AOX1: variants seen among roughly 807,000 people sequenced by gnomAD.
AOX1 encodes the protein aldehyde oxidase.
In AOX1, 153 loss-of-function variants were observed where a neutral mutation model predicts 169.5. That is an observed-to-expected ratio of 0.90 (90% CI 0.79 to 1.03). The LOEUF (loss-of-function observed/expected upper bound fraction) is 1.03. AOX1 is among the 50% of genes least tolerant of loss of function. The pLI is 0.00. For synonymous variants in AOX1, 562 were observed against 581.9 expected (o/e 0.97, Z 0.49); for missense variants, 1,656 against 1,663.9 (o/e 1.00, Z 0.08).
intron 23 of AOX1, 140 bp from the exon 24 acceptor site, chr2:200,640,958 C>G (rs556030850): frequency 1.1e-4 from 60 of 561,852 alleles, no homozygotes; most frequent in African/African-American, 1.0e-3. Flanking sequence ...GATCACAGAG[C>G]TAGTTATATA....
In AOX1 at chr2:200,617,953, C is replaced by T. The variant is rs1024665707; in HGVS notation, c.1704+1890C>T. Among the ~76,000 whole-genome samples, 3 of 152,246 alleles carry T rather than the reference C, an allele frequency of 2.0e-5. No individual in the cohort carries two copies. The South Asian group carries it at 6.2e-4, about 32-fold the overall frequency. ...CCTTTTCATCACTATCTCAGCTCCT[C>T]GAAGCAGAGGGGGAAGAGGAGAACT... On this transcript the variant is annotated intron_variant, in intron 16 of 34. Transcript: ENST00000374700.
At chr2:200,654,386 T>G (rs1389859431) in intron 26 of AOX1, among the ~76,000 whole-genome samples, 4 of 152,200 alleles carry the variant, frequency 2.6e-5, no homozygotes, top group Non-Finnish European at 5.9e-5. Flanking sequence ...TTTAACAAAG[T>G]ATTTTAAAAC....
At chr2:200,623,277 C>T (rs1334088407) in intron 18 of AOX1, among the ~76,000 whole-genome samples, 1 of 152,174 alleles carries the variant, frequency 6.6e-6, no homozygotes, top group African/African-American at 2.4e-5. Context: ...CCTAGCTGCC[C>T]CACCTGCAGG....
chr2:200,631,902 T>A (rs746200579), intron 20 of AOX1, among the ~76,000 whole-genome samples: 2 of 152,176 alleles, frequency 1.3e-5, no homozygotes, highest in African/African-American at 4.8e-5. Context: ...GAAGTTAAGA[T>A]CTGAGCTTGT....
At chr2:200,648,945 C>G (rs112343928) in intron 25 of AOX1, among the ~76,000 whole-genome samples, 2,652 of 152,192 alleles carry the variant, frequency 0.017, 74 homozygotes, top group African/African-American at 0.06. Context: ...TGTGTACCCC[C>G]CAACAGCCCT....
At chr2:200,668,222 C>A (rs1198057181) in intron 32 of AOX1, among the ~76,000 whole-genome samples, 1 of 151,966 alleles carries the variant, frequency 6.6e-6, no homozygotes, top group Admixed American at 6.5e-5. Flanking sequence ...TCTCCTGCCT[C>A]AGCCTCCCGA....
intron 10 of AOX1, among the ~76,000 whole-genome samples, chr2:200,608,432 C>T (rs1462340539): frequency 3.9e-5 from 6 of 152,168 alleles, no homozygotes; most frequent in Admixed American, 1.3e-4. Context: ...TTTTCTACTC[C>T]TGTAGAGGAA....
Position 200,656,860 on chromosome 2 carries a change from A to G in AOX1, c.3094A>G (p.Ile1032Val), listed in dbSNP as rs1574957149. The G allele has an allele frequency of 6.3e-7, 1 of 1,587,064 alleles. No homozygotes were observed. Among genetic ancestry groups the G allele is most frequent in the Non-Finnish European group, 8.6e-7 (1 of 1,166,118 alleles). ...AAGQAAALVH[I>V]YLDGSVLVTH... is the part of the protein sequence containing the mutation. ...TGCTCAGGCTGCTGCCTTGGTTCAC[A>G]TTTATCTTGATGGCTCTGTGCTGGT... Residue 1032 changes from isoleucine (I) to valine (V), a missense_variant, in exon 27 of 35, where the codon ATT (isoleucine) becomes GTT (valine). By Grantham distance (29) the Ile-to-Val change is conservative. Transcript: ENST00000374700.
chr2:200,586,475 A>G (rs1314574719), intron 1 of AOX1, among the ~76,000 whole-genome samples: 1 of 152,176 alleles, frequency 6.6e-6, no homozygotes, highest in Admixed American at 6.5e-5. Context: ...ATTCTTGCCC[A>G]TCAGGGGTCA....
chr2:200,613,492 A>C (rs1001285481), intron 14 of AOX1, among the ~76,000 whole-genome samples: 3 of 152,184 alleles, frequency 2.0e-5, no homozygotes, highest in Non-Finnish European at 4.4e-5. Flanking sequence ...TAAATGTCCT[A>C]GTGAGGACAT....
At position 200,611,483 on chromosome 2, in the gene AOX1, A is replaced by G. The variant is rs747135917; in HGVS notation, c.1253A>G (p.Tyr418Cys). 1.2e-6 allele frequency: 2 copies of G among 1,608,292 alleles called. No individual in the cohort carries two copies. The highest frequency in any genetic ancestry group is 3.3e-5 in the Admixed American group (2 of 59,960). The change falls in exon 13 of 35, where the codon TAC (tyrosine) becomes TGC (cysteine). Residue 418 changes from tyrosine (Y) to cysteine (C), a missense_variant. Physicochemically the swap from Tyr to Cys is radical, Grantham distance 194. Transcript: ENST00000374700. ...QEILVSVNIP[Y>C]SRKWEFVSAF... ...ATCTTGGTCTCAGTGAACATCCCCTACTCAAGGAAGGTGAGAACATCCCAC... is the reference window on the plus strand; with the variant it reads ...ATCTTGGTCTCAGTGAACATCCCCTGCTCAAGGAAGGTGAGAACATCCCAC...
intron 20 of AOX1, among the ~76,000 whole-genome samples, chr2:200,629,895 C>T (rs544211040): frequency 3.3e-5 from 5 of 151,690 alleles, no homozygotes; most frequent in Non-Finnish European, 7.4e-5. Flanking sequence ...TGCTGCATAC[C>T]CCATTGATAA....
intron 12 of AOX1, among the ~76,000 whole-genome samples, chr2:200,610,103 G>A (rs1209545056): frequency 2.1e-5 from 3 of 144,790 alleles, no homozygotes; most frequent in Non-Finnish European, 4.5e-5. Flanking sequence ...ATGGAGTCTC[G>A]CTCTGTCACC....
At chr2:200,664,510 A>G (rs2035891696) in intron 31 of AOX1, among the ~76,000 whole-genome samples, 1 of 152,242 alleles carries the variant, frequency 6.6e-6, no homozygotes, top group African/African-American at 2.4e-5. Flanking sequence ...ATTCCTATAT[A>G]TGCATTGTCC....
downstream of AOX1, chr2:200,677,176 G>C (rs2036111063): frequency 3.3e-6 from 1 of 304,806 alleles, no homozygotes; most frequent in Non-Finnish European, 6.4e-6. Flanking sequence ...ATAACAATCT[G>C]TATCTGTAGT....
downstream of AOX1, among the ~76,000 whole-genome samples, chr2:200,675,407 A>G (rs2036081651): frequency 6.6e-6 from 1 of 152,238 alleles, no homozygotes; most frequent in South Asian, 2.1e-4. Context: ...AGAAATGCCT[A>G]CTATGAACTG....
At chr2:200,660,649 A>G (rs2035802247) in intron 29 of AOX1, among the ~76,000 whole-genome samples, 1 of 152,242 alleles carries the variant, frequency 6.6e-6, no homozygotes, top group Non-Finnish European at 1.5e-5. Context: ...ATCAACTACC[A>G]GATGTTGTGG....
intron 4 of AOX1, 128 bp downstream of exon 4, chr2:200,597,633 G>T: frequency 2.0e-6 from 1 of 497,764 alleles, no homozygotes. Flanking sequence ...ATACAACCTA[G>T]CTGGGAACAA....
intron 3 of AOX1, among the ~76,000 whole-genome samples, chr2:200,596,752 C>T (rs1038760556): frequency 6.6e-6 from 1 of 152,088 alleles, no homozygotes; most frequent in African/African-American, 2.4e-5. Context: ...GTTGTCACAT[C>T]GGAGTTTAGT....
Sources: gnomAD v4.1 joint callset for allele counts (sites outside exome capture counted in the v4.1 genomes callset) on GRCh38, gnomAD v4.1.1 for gene constraint, MANE v1.5 for transcripts, NCBI Gene and HGNC (gene_info 2026-07-23, HGNC 2026-07-21) for gene names.